The following PEAK1 variants were observed in gnomAD, a reference collection of about 807,000 sequenced individuals.
PEAK1 encodes the protein pseudopodium enriched atypical kinase 1.
Under a neutral mutation model 124.7 loss-of-function variants are expected in PEAK1, and 54 were observed. The observed-to-expected ratio is 0.43, with a 90% CI of 0.35 to 0.54. PEAK1 has a LOEUF of 0.54. PEAK1 is among the 20% of genes least tolerant of loss of function. PEAK1 has a pLI of 0.01. For missense variants in PEAK1, 2,046 were observed against 2,134.5 expected (o/e 0.96, Z 0.82); for synonymous variants, 719 against 760.0 (o/e 0.95, Z 0.89).
chr15:77,370,208 T>G (rs1299292770), intron 1 of PEAK1, among the ~76,000 whole-genome samples: 1 of 152,208 alleles, frequency 6.6e-6, no homozygotes, highest in Non-Finnish European at 1.5e-5. Flanking sequence ...TTCTCTCCTA[T>G]GGACATGACT....
chr15:77,159,459 A>G (rs184778226), intron 7 of PEAK1, among the ~76,000 whole-genome samples: 28 of 152,300 alleles, frequency 1.8e-4, no homozygotes, highest in Non-Finnish European at 1.0e-4. Context: ...CCACTCCCCA[A>G]TCTGCCTGAA....
intron 6 of PEAK1, among the ~76,000 whole-genome samples, chr15:77,220,539 G>A (rs559109578): frequency 8.0e-4 from 113 of 141,686 alleles, no homozygotes; most frequent in African/African-American, 2.6e-3. Context: ...AAAAAAAAAC[G>A]GTGAGGAACC....
At position 77,303,828 on chromosome 15, in the gene PEAK1, T is replaced by C. The variant is rs1443522494; in HGVS notation, c.-602-17324A>G. On this transcript the variant is annotated intron_variant, in intron 2 of 9. Transcript: ENST00000682557. ...CTTTTACCAAACCCAGTATCATATA[T>C]GTTTTCCTCAATAAGTTTTATGTTG... Among the ~76,000 whole-genome samples, 5 of 152,208 alleles carry C rather than the reference T, an allele frequency of 3.3e-5. No individual in the cohort carries two copies. The East Asian group carries it at 7.7e-4, about 23-fold the overall frequency.
chr15:77,163,565 A>G (rs1402518625), intron 7 of PEAK1, among the ~76,000 whole-genome samples: 1 of 152,230 alleles, frequency 6.6e-6, no homozygotes, highest in Non-Finnish European at 1.5e-5. Flanking sequence ...AGATTTTTGT[A>G]AAAATTATGT....
At chr15:77,201,365 G>C (rs893792656) in intron 6 of PEAK1, among the ~76,000 whole-genome samples, 2 of 150,466 alleles carry the variant, frequency 1.3e-5, no homozygotes, top group Non-Finnish European at 3.0e-5. Flanking sequence ...CGCCTCCCGA[G>C]TACCTGGGAC....
chr15:77,347,347 T>C (rs2066929564), intron 2 of PEAK1: 1 of 984,874 alleles, frequency 1.0e-6, no homozygotes, highest in Non-Finnish European at 1.2e-6. Context: ...TAAGCATGAG[T>C]TGAGAAATGC....
chr15:77,171,221 G>T (rs1361950271), intron 7 of PEAK1, among the ~76,000 whole-genome samples: 1 of 152,032 alleles, frequency 6.6e-6, no homozygotes, highest in Non-Finnish European at 1.5e-5. Context: ...AAACTTTTTG[G>T]TCTCAGGATT....
At chr15:77,135,322 G>T (rs76967767) in intron 8 of PEAK1, among the ~76,000 whole-genome samples, 2 of 152,102 alleles carry the variant, frequency 1.3e-5, no homozygotes, top group African/African-American at 4.8e-5. Context: ...GCATGTCAAC[G>T]GTAAGCACCA....
chr15:77,259,025 C>T lies in PEAK1; in HGVS notation c.-274-6499G>A, dbSNP rs562649941. ...TTGGTTCTGTTTATATGCTGGATTA[C>T]ATTTATTGATTTGCGTATATTGAAC... is the stretch of plus-strand genomic sequence containing the variant. On this transcript the variant is annotated intron_variant, in intron 5 of 9. Coordinates refer to ENST00000682557, the MANE Select transcript of PEAK1 (RefSeq NM_001385026.1). 5.6e-3 allele frequency among the ~76,000 whole-genome samples: 843 copies of T among 151,876 alleles called. 3 individuals are homozygous for T. Among genetic ancestry groups the T allele is most frequent in the Middle Eastern group, 0.017 (5 of 294 alleles).
At position 77,264,747 on chromosome 15, in the gene PEAK1, A is replaced by G. The variant is rs562675653; in HGVS notation, c.-274-12221T>C. 4.3e-4 allele frequency among the ~76,000 whole-genome samples: 66 copies of G among 152,270 alleles called. 1 individual carries two copies. The highest frequency in any genetic ancestry group is 7.8e-4 in the Admixed American group (12 of 15,288). Reference sequence around the variant, plus strand: ...AATGACTTTCTTCACAGAATTGGAAAAAACTACTTTAAAGTTCATATGAAA... The same window carrying G: ...AATGACTTTCTTCACAGAATTGGAAGAAACTACTTTAAAGTTCATATGAAA... On this transcript the variant is annotated intron_variant, in intron 5 of 9. Transcript: ENST00000682557.
intron 5 of PEAK1, among the ~76,000 whole-genome samples, chr15:77,280,770 A>G (rs547582794): frequency 3.7e-4 from 57 of 152,292 alleles, no homozygotes; most frequent in Admixed American, 3.9e-4. Context: ...AGCTCTAAAC[A>G]TTTGACCTTA....
chr15:77,162,493 CAAAAAAA>C (rs71143393), intron 7 of PEAK1, among the ~76,000 whole-genome samples: 28,531 of 70,420 alleles, frequency 0.41, 3,423 homozygotes, highest in Middle Eastern at 0.49. Flanking sequence ...GACTCCATCT[CAAAAAAA>C]AAAAAAAAAA....
At position 77,113,051 on chromosome 15, in the gene PEAK1, T is replaced by G. The variant is rs911749720; in HGVS notation, c.*1105A>C. On this transcript the variant is annotated 3_prime_UTR_variant, in exon 10 of 10. Coordinates refer to ENST00000682557, the MANE Select transcript of PEAK1 (RefSeq NM_001385026.1). ...GAGGTCAGCAGTCTCATCAGTGGCCTTCTTCCTCTCCCCTGCCTACGGCCA... is the reference window on the plus strand; with the variant it reads ...GAGGTCAGCAGTCTCATCAGTGGCCGTCTTCCTCTCCCCTGCCTACGGCCA... 1.3e-5 allele frequency: 2 copies of G among 152,482 alleles called. No homozygotes were observed. Among genetic ancestry groups the G allele is most frequent in the Non-Finnish European group, 1.5e-5 (1 of 68,140 alleles). 9.4% of individuals were successfully genotyped at this position (152,482 alleles called of 1,614,324 possible). A position where few individuals can be genotyped will look rare whatever the true frequency, so the allele number is the denominator to read the frequency against.
At chr15:77,410,258 C>T (rs958964906) in intron 1 of PEAK1, among the ~76,000 whole-genome samples, 5 of 151,850 alleles carry the variant, frequency 3.3e-5, no homozygotes, top group Non-Finnish European at 5.9e-5. Context: ...CTCAGCCTCC[C>T]GGGATTACAG....
At chr15:77,231,614 T>C (rs1396159746) in intron 6 of PEAK1, among the ~76,000 whole-genome samples, 1 of 152,174 alleles carries the variant, frequency 6.6e-6, no homozygotes, top group Non-Finnish European at 1.5e-5. Context: ...AGTTTTAGAG[T>C]ATAATTTTCT....
intron 6 of PEAK1, among the ~76,000 whole-genome samples, chr15:77,222,085 T>C (rs1038470214): frequency 6.6e-6 from 1 of 152,004 alleles, no homozygotes; most frequent in Non-Finnish European, 1.5e-5. Context: ...GGATCTAAAA[T>C]TTTTCTGAAT....
intron 1 of PEAK1, among the ~76,000 whole-genome samples, chr15:77,405,834 A>G (rs2071773768): frequency 6.6e-6 from 1 of 152,142 alleles, no homozygotes; most frequent in Non-Finnish European, 1.5e-5. Flanking sequence ...AATAAGATCT[A>G]AGTCAATAAT....
intron 8 of PEAK1, among the ~76,000 whole-genome samples, chr15:77,146,584 G>A (rs939816553): frequency 2.0e-5 from 3 of 152,198 alleles, no homozygotes; most frequent in African/African-American, 7.2e-5. Flanking sequence ...TGGGAATGCA[G>A]CTAACTTCGG....
intron 1 of PEAK1, among the ~76,000 whole-genome samples, chr15:77,368,949 C>T (rs2141659298): frequency 6.6e-6 from 1 of 152,296 alleles, no homozygotes; most frequent in East Asian, 1.9e-4. Context: ...CCAGTGATCA[C>T]TGAAATTAAA....
Sources: gnomAD v4.1 joint callset for allele counts (sites outside exome capture counted in the v4.1 genomes callset) on GRCh38, gnomAD v4.1.1 for gene constraint, MANE v1.5 for transcripts, NCBI Gene and HGNC (gene_info 2026-07-23, HGNC 2026-07-21) for gene names.